MEGF11: variants seen among roughly 807,000 people sequenced by gnomAD.
MEGF11 encodes the protein multiple epidermal growth factor-like domains protein 11.
Under a neutral mutation model 146.6 loss-of-function variants are expected in MEGF11, and 126 were observed. The observed-to-expected ratio is 0.86, with a 90% CI of 0.74 to 1.00. The LOEUF (loss-of-function observed/expected upper bound fraction) is 1.00. Ranked by LOEUF, MEGF11 falls within the 50% of genes least tolerant of loss-of-function variation. The pLI is 0.00. For synonymous variants in MEGF11, 532 were observed against 583.4 expected (o/e 0.91, Z 1.27); for missense variants, 1,509 against 1,521.2 (o/e 0.99, Z 0.13).
At chr15:65,976,875 C>T (rs911501666) in intron 7 of MEGF11, among the ~76,000 whole-genome samples, 5 of 152,024 alleles carry the variant, frequency 3.3e-5, no homozygotes, top group Admixed American at 6.6e-5. Context: ...TCTTGGCGGC[C>T]AGGTCCAGTC....
intron 5 of MEGF11, among the ~76,000 whole-genome samples, chr15:66,005,189 C>G (rs1485625384): frequency 6.6e-6 from 1 of 152,206 alleles, no homozygotes; most frequent in East Asian, 1.9e-4. Flanking sequence ...CATTTGTTCT[C>G]CTGAAACTTC....
intron 1 of MEGF11, among the ~76,000 whole-genome samples, chr15:66,195,279 G>A (rs1196588628): frequency 1.3e-5 from 2 of 152,324 alleles, no homozygotes; most frequent in African/African-American, 2.4e-5. Flanking sequence ...CTGAGGTATT[G>A]GGGATTAGGA....
chr15:65,933,823 T>G (rs1047411474), intron 10 of MEGF11, among the ~76,000 whole-genome samples: 2 of 152,212 alleles, frequency 1.3e-5, no homozygotes, highest in Admixed American at 6.5e-5. Context: ...CGACATCCCC[T>G]GAGCCTCAGT....
intron 23 of MEGF11, among the ~76,000 whole-genome samples, chr15:65,907,801 A>T (rs929338262): frequency 3.9e-5 from 6 of 152,240 alleles, no homozygotes; most frequent in Non-Finnish European, 7.3e-5. Flanking sequence ...GGCTTGTCCA[A>T]AACCACACTA....
At chr15:66,218,730 A>G (rs1407398117) in intron 1 of MEGF11, among the ~76,000 whole-genome samples, 1 of 152,174 alleles carries the variant, frequency 6.6e-6, no homozygotes, top group African/African-American at 2.4e-5. Flanking sequence ...GGCACTAAGT[A>G]GCCTCAGTTT....
intron 21 of MEGF11, among the ~76,000 whole-genome samples, chr15:65,910,506 T>G (rs1165919642): frequency 6.6e-6 from 1 of 152,184 alleles, no homozygotes; most frequent in African/African-American, 2.4e-5. Flanking sequence ...TGCCTGCCTC[T>G]GCTGCAGATG....
intron 19 of MEGF11, among the ~76,000 whole-genome samples, chr15:65,914,430 T>C (rs1029344213): frequency 1.5e-4 from 23 of 152,166 alleles, no homozygotes; most frequent in African/African-American, 5.3e-4. Context: ...TCAGAGTCCC[T>C]GGTTTGCTCA....
chr15:65,988,593 A>G (rs1393485719), intron 5 of MEGF11, among the ~76,000 whole-genome samples: 2 of 152,242 alleles, frequency 1.3e-5, no homozygotes, highest in African/African-American at 2.4e-5. Flanking sequence ...AGTATCTTTT[A>G]GAGTCCCTGA....
At chr15:66,080,874 C>T (rs879605572) in intron 5 of MEGF11, among the ~76,000 whole-genome samples, 5 of 152,228 alleles carry the variant, frequency 3.3e-5, no homozygotes, top group African/African-American at 1.2e-4. Flanking sequence ...CGGCAGAAGG[C>T]GGCCCAGGCG....
chr15:66,133,322 G>A (rs866158616), intron 1 of MEGF11, among the ~76,000 whole-genome samples: 3 of 152,232 alleles, frequency 2.0e-5, no homozygotes, highest in African/African-American at 7.2e-5. Flanking sequence ...GGGACTGGGT[G>A]TTCCAGACGC....
At chr15:66,033,866 A>G (rs2083626505) in intron 5 of MEGF11, among the ~76,000 whole-genome samples, 1 of 152,166 alleles carries the variant, frequency 6.6e-6, no homozygotes, top group South Asian at 2.1e-4. Context: ...ATCTTGGCTT[A>G]CTGCAACTTC....
At chr15:66,169,663 T>C (rs1281748800) in intron 1 of MEGF11, among the ~76,000 whole-genome samples, 1 of 152,276 alleles carries the variant, frequency 6.6e-6, no homozygotes, top group Non-Finnish European at 1.5e-5. Context: ...TGGTTCCTTA[T>C]CTAAAGCTTC....
At chr15:66,120,789 C>T (rs888048826) in intron 3 of MEGF11, among the ~76,000 whole-genome samples, 14 of 152,194 alleles carry the variant, frequency 9.2e-5, no homozygotes, top group Admixed American at 3.3e-4. Context: ...AACTCAGAAT[C>T]GACTCAGAGG....
intron 5 of MEGF11, among the ~76,000 whole-genome samples, chr15:65,983,170 G>C (rs1229572424): frequency 6.6e-6 from 1 of 152,094 alleles, no homozygotes; most frequent in African/African-American, 2.4e-5. Context: ...TTCAGCTTCA[G>C]TTCAGTTTCA....
At chr15:66,101,278 G>A (rs527381769) in intron 4 of MEGF11, among the ~76,000 whole-genome samples, 6 of 152,164 alleles carry the variant, frequency 3.9e-5, no homozygotes, top group African/African-American at 1.2e-4. Flanking sequence ...CGCTCCGGAC[G>A]GCTGCCCTCT....
chr15:66,247,603 C>T (rs1282324556), intron 1 of MEGF11, among the ~76,000 whole-genome samples: 1 of 152,182 alleles, frequency 6.6e-6, no homozygotes, highest in Non-Finnish European at 1.5e-5. Context: ...AAGCCAGGTG[C>T]TGTGGTGCAC....
intron 1 of MEGF11, among the ~76,000 whole-genome samples, chr15:66,242,651 C>T (rs1198254597): frequency 6.6e-6 from 1 of 152,116 alleles, no homozygotes; most frequent in East Asian, 1.9e-4. Context: ...AGACCCAACT[C>T]TTGATGATAC....
intron 10 of MEGF11, 84 bp from the exon 11 acceptor site, chr15:65,931,027 C>G (rs555134027): frequency 7.2e-7 from 1 of 1,391,224 alleles, no homozygotes; most frequent in East Asian, 2.7e-5. Flanking sequence ...CCCCTGCTGC[C>G]CCCAACATGT....
chr15:66,011,842 G>A (rs1183181720), intron 5 of MEGF11, among the ~76,000 whole-genome samples: 1 of 152,050 alleles, frequency 6.6e-6, no homozygotes, highest in Non-Finnish European at 1.5e-5. Flanking sequence ...ATAATTTTGT[G>A]CAAATAAAGG....
Sources: gnomAD v4.1 joint callset for allele counts (sites outside exome capture counted in the v4.1 genomes callset) on GRCh38, gnomAD v4.1.1 for gene constraint, MANE v1.5 for transcripts, NCBI Gene and HGNC (gene_info 2026-07-23, HGNC 2026-07-21) for gene names.